ATF6: variants seen among roughly 807,000 people sequenced by gnomAD.
ATF6 encodes the protein activating transcription factor 6, also known as cyclic AMP-dependent transcription factor ATF-6 alpha.
A neutral mutation model predicts 83.6 loss-of-function variants in ATF6; 53 were observed. That is an observed-to-expected ratio of 0.63 (90% CI 0.51 to 0.80). The LOEUF (loss-of-function observed/expected upper bound fraction) is 0.80, where lower values mean the gene tolerates loss of function less well. Among genes scored for constraint, ATF6 ranks in the 30% least tolerant of loss-of-function variants. The pLI is 0.00. For synonymous variants in ATF6, 288 were observed against 285.8 expected, an observed-to-expected ratio of 1.01 and a Z score of -0.08; for missense variants, 744 against 797.9, an observed-to-expected ratio of 0.93 and a Z score of 0.81.
At chr1:161,901,090 T>C (rs1209216714) in intron 14 of ATF6, among the ~76,000 whole-genome samples, 1 of 152,138 alleles carries the variant, frequency 6.6e-6, no homozygotes, top group South Asian at 2.1e-4. Flanking sequence ...AAAGCAGATA[T>C]TTCTGTCTGT....
At chr1:161,890,560 G>A (rs185011778) in intron 14 of ATF6, among the ~76,000 whole-genome samples, 2 of 152,354 alleles carry the variant, frequency 1.3e-5, no homozygotes, top group African/African-American at 4.8e-5. Context: ...CTTTGGAACT[G>A]TCTTTCATAG....
intron 4 of ATF6, among the ~76,000 whole-genome samples, chr1:161,790,122 A>G (rs576213668): frequency 1.3e-5 from 2 of 152,126 alleles, no homozygotes; most frequent in East Asian, 1.9e-4. Context: ...TTTTCTACCA[A>G]TATATATCTT....
At chr1:161,820,882 G>T (rs1557978380) in intron 8 of ATF6, among the ~76,000 whole-genome samples, 188 bp from the exon 9 acceptor site, 1 of 151,284 alleles carries the variant, frequency 6.6e-6, no homozygotes, top group East Asian at 1.9e-4. Context: ...GAACCTGGAA[G>T]TCTCTGCTCT....
intron 6 of ATF6, among the ~76,000 whole-genome samples, chr1:161,795,181 C>A (rs1684986282): frequency 6.6e-6 from 1 of 151,996 alleles, no homozygotes; most frequent in South Asian, 2.1e-4. Context: ...AAGAATTCTA[C>A]ACTTTAATTG....
At chr1:161,801,604 A>G (rs1299646517) in intron 6 of ATF6, among the ~76,000 whole-genome samples, 2 of 151,946 alleles carry the variant, frequency 1.3e-5, no homozygotes, top group Non-Finnish European at 2.9e-5. Flanking sequence ...TTGAGTTACT[A>G]AGTTTATGTT....
chr1:161,837,083 G>A (rs558079962), intron 9 of ATF6, among the ~76,000 whole-genome samples: 29 of 152,266 alleles, frequency 1.9e-4, no homozygotes, highest in African/African-American at 6.3e-4. Flanking sequence ...ATAGCTGGGT[G>A]GAATCATGCT....
At chr1:161,857,940 A>C (rs2101833404) in intron 12 of ATF6, among the ~76,000 whole-genome samples, 1 of 152,300 alleles carries the variant, frequency 6.6e-6, no homozygotes, top group South Asian at 2.1e-4. Flanking sequence ...AAAAGCTAAC[A>C]TAAAGAAGTA....
rs778398447 is a variant in ATF6 at position 161,851,756 on chromosome 1, A to G, written c.1354A>G (p.Met452Val). ...DHSVSNDKAL[M>V]VLTEEPLLYI... ...TTCTGTTTCAAATGACAAAGCCCTG[A>G]TGGTGCTAACTGAAGAACCATTGCT... Residue 452 changes from methionine (M) to valine (V), a missense_variant, in exon 11 of 16, where the codon ATG becomes GTG. Met to Val is a conservative substitution (Grantham distance 21). Transcript: ENST00000367942. 8 of 1,613,768 alleles carry G rather than the reference A, an allele frequency of 5.0e-6. No individual in the cohort carries two copies. In the African/African-American group the frequency reaches 8.0e-5, roughly 16 times the overall value.
intron 9 of ATF6, among the ~76,000 whole-genome samples, chr1:161,831,667 C>T (rs1230242548): frequency 6.6e-6 from 1 of 151,794 alleles, no homozygotes; most frequent in East Asian, 1.9e-4. Flanking sequence ...AATCTGGAAA[C>T]CATCATTCTC....
intron 14 of ATF6, among the ~76,000 whole-genome samples, chr1:161,894,252 G>T (rs1319540441): frequency 3.4e-5 from 5 of 146,818 alleles, no homozygotes; most frequent in African/African-American, 5.0e-5. Context: ...TTTAAGAAAT[G>T]GTTTTAAAAA....
chr1:161,868,051 CT>C (rs1249126895), intron 14 of ATF6, among the ~76,000 whole-genome samples: 1 of 152,180 alleles, frequency 6.6e-6, no homozygotes, highest in East Asian at 1.9e-4. Flanking sequence ...CAAATAATCC[CT>C]CTGTGCTTGT....
intron 15 of ATF6, among the ~76,000 whole-genome samples, chr1:161,920,292 C>CTTTTTTTTTTTTTTTTTTTTTTTTTT (rs1322896918): frequency 5.1e-5 from 1 of 19,790 alleles, no homozygotes; most frequent in Non-Finnish European, 1.0e-4. Flanking sequence ...CTCTCTCTCT[C>CTTTTTTTTTTTTTTTTTTTTTTTTTT]TCTTTTTTTT....
intron 6 of ATF6, among the ~76,000 whole-genome samples, chr1:161,794,432 T>G (rs1406697968): frequency 6.6e-6 from 1 of 152,150 alleles, no homozygotes; most frequent in Non-Finnish European, 1.5e-5. Context: ...AATGTAAAAC[T>G]CTTCACAATT....
intron 14 of ATF6, among the ~76,000 whole-genome samples, chr1:161,872,667 AG>A (rs1687144617): frequency 6.6e-6 from 1 of 151,586 alleles, no homozygotes; most frequent in Admixed American, 6.6e-5. Flanking sequence ...GCGCTCCCTA[AG>A]AATGAGAAAT....
chr1:161,801,359 C>CTTTTTTTTTTATTT (rs1685141079), intron 6 of ATF6, among the ~76,000 whole-genome samples: 1 of 95,288 alleles, frequency 1.0e-5, no homozygotes, highest in Non-Finnish European at 2.1e-5. Flanking sequence ...TATTTGTAGT[C>CTTTTTTTTTTATTT]TTTTTTTTTT....
At chr1:161,804,502 A>G (rs141653374) in intron 7 of ATF6, among the ~76,000 whole-genome samples, 2,103 of 152,208 alleles carry the variant, frequency 0.014, 45 homozygotes, top group African/African-American at 0.048. Flanking sequence ...TGGAAAGTAG[A>G]CCTGGGAGCC....
intron 6 of ATF6, among the ~76,000 whole-genome samples, chr1:161,801,020 G>A (rs555912600): frequency 6.6e-6 from 1 of 152,198 alleles, no homozygotes; most frequent in African/African-American, 2.4e-5. Context: ...CATTATTATA[G>A]ATTGAGTATC....
intron 3 of ATF6, 55 bp from the exon 4 acceptor site, chr1:161,783,935 T>G: frequency 7.9e-7 from 1 of 1,259,378 alleles, no homozygotes; most frequent in Non-Finnish European, 1.1e-6. Flanking sequence ...TCTTGTTCAT[T>G]TTATTATAAG....
chr1:161,801,935 C>G, intron 6 of ATF6, 117 bp from the exon 7 acceptor site: 1 of 840,224 alleles, frequency 1.2e-6, no homozygotes, highest in East Asian at 2.6e-5. Flanking sequence ...TTGATGGTGT[C>G]CAATCCCTTG....
Sources: gnomAD v4.1 joint callset for allele counts (sites outside exome capture counted in the v4.1 genomes callset) on GRCh38, gnomAD v4.1.1 for gene constraint, MANE v1.5 for transcripts, NCBI Gene and HGNC (gene_info 2026-07-23, HGNC 2026-07-21) for gene names.